The following CWC27 variants were observed in gnomAD, a reference collection of about 807,000 sequenced individuals.
The protein encoded by CWC27 is CWC27 spliceosome associated cyclophilin, also known as spliceosome-associated protein CWC27 homolog.
Under a neutral mutation model 63.6 loss-of-function variants are expected in CWC27, and 47 were observed. That is an observed-to-expected ratio of 0.74 (90% confidence interval 0.58 to 0.94). The LOEUF (loss-of-function observed/expected upper bound fraction) is 0.94. Ranked by LOEUF, CWC27 falls within the 40% of genes least tolerant of loss-of-function variation. The pLI is 0.00. For synonymous variants in CWC27, 175 were observed against 179.8 expected (o/e 0.97, Z 0.22); for missense variants, 495 against 554.3 (o/e 0.89, Z 1.07).
intron 11 of CWC27, among the ~76,000 whole-genome samples, chr5:64,932,098 T>A (rs1005453303): frequency 6.6e-6 from 1 of 152,166 alleles, no homozygotes; most frequent in Non-Finnish European, 1.5e-5. Flanking sequence ...GATTTATATG[T>A]ATTAATTTAT....
At chr5:64,969,816 C>T (rs1749085561) in intron 11 of CWC27, among the ~76,000 whole-genome samples, 1 of 152,042 alleles carries the variant, frequency 6.6e-6, no homozygotes, top group African/African-American at 2.4e-5. Context: ...ACTTCAAGAA[C>T]GGAATCAGAA....
intron 11 of CWC27, among the ~76,000 whole-genome samples, chr5:64,934,920 C>T (rs1228089638): frequency 2.0e-5 from 3 of 152,152 alleles, no homozygotes; most frequent in Non-Finnish European, 4.4e-5. Flanking sequence ...AGTATCTGTT[C>T]ATATCCTTTT....
intron 1 of CWC27, 131 bp downstream of exon 1, chr5:64,769,319 C>CA (rs2112129419): frequency 1.3e-6 from 1 of 766,356 alleles, no homozygotes; most frequent in East Asian, 2.6e-5. Flanking sequence ...TTTACTCCTG[C>CA]ATGTGGACAA....
intron 10 of CWC27, among the ~76,000 whole-genome samples, chr5:64,817,405 T>TC (rs1745069702): frequency 1.3e-5 from 2 of 152,120 alleles, no homozygotes; most frequent in African/African-American, 4.8e-5. Flanking sequence ...TATGTTAGGA[T>TC]CTACTCCTCT....
At chr5:64,775,295 C>T (rs1268541572) in intron 2 of CWC27, among the ~76,000 whole-genome samples, 1 of 152,144 alleles carries the variant, frequency 6.6e-6, no homozygotes, top group Non-Finnish European at 1.5e-5. Flanking sequence ...CCCCAGTCTG[C>T]CTTTCACCTG....
intron 10 of CWC27, among the ~76,000 whole-genome samples, chr5:64,822,039 G>T (rs748498427): frequency 6.6e-6 from 1 of 152,156 alleles, no homozygotes; most frequent in African/African-American, 2.4e-5. Flanking sequence ...CTTGTATGGC[G>T]TATTTGGAAA....
intron 13 of CWC27, among the ~76,000 whole-genome samples, chr5:64,988,360 AT>A (rs955091088): frequency 1.3e-4 from 19 of 151,398 alleles, no homozygotes; most frequent in African/African-American, 1.9e-4. Flanking sequence ...ATGCCAAGTA[AT>A]TTTTTTTTAT....
chr5:64,965,605 G>T (rs558703092), intron 11 of CWC27, among the ~76,000 whole-genome samples: 1 of 152,106 alleles, frequency 6.6e-6, no homozygotes, highest in Non-Finnish European at 1.5e-5. Context: ...ATTTGATCTG[G>T]GATCATTTAA....
chr5:64,858,304 A>C (rs1359658535), intron 10 of CWC27, among the ~76,000 whole-genome samples: 4 of 145,332 alleles, frequency 2.8e-5, no homozygotes, highest in African/African-American at 1.0e-4. Flanking sequence ...CTAAAAATAC[A>C]AAAAAAAATT....
intron 10 of CWC27, among the ~76,000 whole-genome samples, chr5:64,834,434 T>TAAC (rs1268132451): frequency 6.6e-6 from 1 of 151,672 alleles, no homozygotes; most frequent in Non-Finnish European, 1.5e-5. Context: ...CTCCAAGAGA[T>TAAC]CTGGAATAAC....
At chr5:64,797,513 A>T (rs1018354663) in intron 7 of CWC27, among the ~76,000 whole-genome samples, 1 of 152,166 alleles carries the variant, frequency 6.6e-6, no homozygotes, top group East Asian at 1.9e-4. Context: ...TGAAATGGTA[A>T]TGATTATTAA....
chr5:64,998,666 A>T (rs907933186), intron 13 of CWC27, among the ~76,000 whole-genome samples: 1 of 152,108 alleles, frequency 6.6e-6, no homozygotes, highest in African/African-American at 2.4e-5. Flanking sequence ...CAGAAACAGG[A>T]GATTTTTCCA....
intron 7 of CWC27, among the ~76,000 whole-genome samples, chr5:64,790,271 A>T (rs775330799): frequency 2.0e-5 from 3 of 152,156 alleles, no homozygotes; most frequent in Non-Finnish European, 2.9e-5. Context: ...AGATGTCAAA[A>T]CTAAATTCAT....
At chr5:64,790,078 T>C (rs1744021676) in intron 7 of CWC27, among the ~76,000 whole-genome samples, 1 of 152,164 alleles carries the variant, frequency 6.6e-6, no homozygotes, top group Non-Finnish European at 1.5e-5. Context: ...AAATGGTGTG[T>C]ATATGAAATA....
At chr5:64,782,945 C>T (rs1287597922) in intron 3 of CWC27, among the ~76,000 whole-genome samples, 1 of 152,078 alleles carries the variant, frequency 6.6e-6, no homozygotes, top group Non-Finnish European at 1.5e-5. Flanking sequence ...TTCTTTTATT[C>T]TTTTATTTGG....
At chr5:64,944,481 T>G (rs1331002457) in intron 11 of CWC27, among the ~76,000 whole-genome samples, 1 of 152,196 alleles carries the variant, frequency 6.6e-6, no homozygotes, top group Non-Finnish European at 1.5e-5. Context: ...GAAAACATCT[T>G]TAAATCTCAT....
intron 11 of CWC27, among the ~76,000 whole-genome samples, chr5:64,892,449 T>C (rs553649007): frequency 6.6e-6 from 1 of 152,198 alleles, no homozygotes; most frequent in South Asian, 2.1e-4. Flanking sequence ...GCATAAAGGT[T>C]AAAAAGAAAG....
chr5:64,872,200 G>A (rs1220591495), intron 10 of CWC27, among the ~76,000 whole-genome samples: 1 of 152,160 alleles, frequency 6.6e-6, no homozygotes, highest in Admixed American at 6.6e-5. Flanking sequence ...GTGGAAGAGA[G>A]AGGAGTGCTT....
At chr5:64,919,345 A>C (rs1248831051) in intron 11 of CWC27, among the ~76,000 whole-genome samples, 1 of 152,176 alleles carries the variant, frequency 6.6e-6, no homozygotes, top group Non-Finnish European at 1.5e-5. Context: ...TGTATTACTG[A>C]AATTTTTTTC....
Sources: gnomAD v4.1 joint callset for allele counts (sites outside exome capture counted in the v4.1 genomes callset) on GRCh38, gnomAD v4.1.1 for gene constraint, MANE v1.5 for transcripts, NCBI Gene and HGNC (gene_info 2026-07-23, HGNC 2026-07-21) for gene names.